The following CFAP91 variants were observed in gnomAD, a reference collection of about 807,000 sequenced individuals.
CFAP91 encodes cilia- and flagella-associated protein 91.
CFAP91 carries 85 observed loss-of-function variants against 95.9 expected under a neutral mutation model. The observed-to-expected ratio is 0.89, with a 90% confidence interval of 0.74 to 1.06. CFAP91 has a LOEUF of 1.06. Ranked by LOEUF, CFAP91 falls within the 50% of genes least tolerant of loss-of-function variation. The probability of loss-of-function intolerance (pLI) is 0.00; values close to 1 mark genes in which losing one functional copy is unlikely to be tolerated. For missense variants in CFAP91, 962 were observed against 943.4 expected, an observed-to-expected ratio of 1.02 and a Z score of -0.26; for synonymous variants, 335 against 327.5, an observed-to-expected ratio of 1.02 and a Z score of -0.25.
chr3:119,751,904 A>C (rs1366671095), intron 17 of CFAP91, among the ~76,000 whole-genome samples: 1 of 152,064 alleles, frequency 6.6e-6, no homozygotes, highest in Non-Finnish European at 1.5e-5. Context: ...ACTCACAGAA[A>C]CTCAAAGCTG....
intron 6 of CFAP91, among the ~76,000 whole-genome samples, chr3:119,724,529 C>T (rs1288813458): frequency 6.6e-6 from 1 of 151,872 alleles, no homozygotes; most frequent in Admixed American, 6.6e-5. Context: ...TATGTAGATA[C>T]ATATATATAC....
At chr3:119,732,584 T>C in intron 9 of CFAP91, 108 bp downstream of exon 9, 1 of 823,296 alleles carries the variant, frequency 1.2e-6, no homozygotes, top group Non-Finnish European at 1.9e-6. Flanking sequence ...AATAAAAATA[T>C]TTGCAATAAA....
intron 14 of CFAP91, among the ~76,000 whole-genome samples, chr3:119,745,619 G>T (rs1327182277): frequency 1.3e-5 from 2 of 152,230 alleles, no homozygotes; most frequent in African/African-American, 4.8e-5. Flanking sequence ...ACTATTACGT[G>T]ACTGAGCTAA....
Position 119,747,134 on chromosome 3 carries a change from G to A in CFAP91, c.1922G>A (p.Ser641Asn), listed in dbSNP as rs2054235518. 1 of 1,607,354 alleles carries A rather than the reference G, an allele frequency of 6.2e-7. No homozygotes were observed. The highest frequency in any genetic ancestry group is 8.5e-7 in the Non-Finnish European group (1 of 1,177,276). ...IFKEVVKVHH[S>N]TISSYLEDII... is the part of the protein sequence containing the mutation. Reference sequence around the variant, plus strand: ...TTGCAGGTGGTTAAAGTTCACCATAGTACTATAAGCTCCTACCTAGAAGAC... The same window carrying A: ...TTGCAGGTGGTTAAAGTTCACCATAATACTATAAGCTCCTACCTAGAAGAC... Residue 641 changes from serine (S) to asparagine (N), a missense_variant, in exon 15 of 18, where the codon AGT becomes AAT. Transcript: ENST00000273390.
intron 8 of CFAP91, among the ~76,000 whole-genome samples, chr3:119,731,824 A>G (rs2053903570): frequency 6.6e-6 from 1 of 152,210 alleles, no homozygotes; most frequent in Admixed American, 6.5e-5. Flanking sequence ...TGACTGCCAA[A>G]CAGTTCAGAA....
At chr3:119,734,367 C>T (rs947969650) in intron 10 of CFAP91, among the ~76,000 whole-genome samples, 26 of 152,244 alleles carry the variant, frequency 1.7e-4, no homozygotes, top group Admixed American at 1.2e-3. Context: ...CACCTCATCC[C>T]CACGCCCCCA....
intron 6 of CFAP91, among the ~76,000 whole-genome samples, chr3:119,722,682 A>T (rs953827103): frequency 6.6e-6 from 1 of 151,886 alleles, no homozygotes; most frequent in Non-Finnish European, 1.5e-5. Flanking sequence ...TTTTGTGGAG[A>T]TGGGGTTTCA....
intron 6 of CFAP91, among the ~76,000 whole-genome samples, chr3:119,717,624 C>T (rs1305913762): frequency 6.9e-6 from 1 of 144,332 alleles, no homozygotes; most frequent in African/African-American, 2.6e-5. Context: ...AATTCTTAGA[C>T]TCCTGGGATT....
In CFAP91 at chr3:119,706,892, C is replaced by A; in HGVS notation, c.201+7C>A. On this transcript the variant is annotated splice_region_variant and intron_variant, in intron 2 of 17. Coordinates refer to ENST00000273390, the MANE Select transcript of CFAP91 (RefSeq NM_033364.4). ...CCTGATTCGCAGCAGACTGGTATGT[C>A]TAATTCATCAGCCAAGGCTACCTGA... The A allele has an allele frequency of 6.2e-7, 1 of 1,608,374 alleles. No individual in the cohort carries two copies.
chr3:119,734,849 G>A (rs2053971255), intron 10 of CFAP91, among the ~76,000 whole-genome samples: 1 of 152,090 alleles, frequency 6.6e-6, no homozygotes, highest in African/African-American at 2.4e-5. Context: ...AAATAAGATT[G>A]GGATGATTTG....
chr3:119,740,671 G>A lies in CFAP91; in HGVS notation c.1656G>A (p.Arg552=), dbSNP rs138018444. 500 of 1,614,144 alleles carry A rather than the reference G, an allele frequency of 3.1e-4. No homozygotes were observed. The highest frequency in any genetic ancestry group is 3.9e-4 in the Non-Finnish European group (464 of 1,180,012). The change falls in exon 13 of 18, where the codon CGG becomes CGA. Residue 552 remains arginine (R), a synonymous_variant. Coordinates refer to ENST00000273390, the MANE Select transcript of CFAP91 (RefSeq NM_033364.4). ...AGCAAGTGACCCTGGCCTTACAGCGGCAGAGGAACTTGCATGAGCACAAGG... is the reference window on the plus strand; with the variant it reads ...AGCAAGTGACCCTGGCCTTACAGCGACAGAGGAACTTGCATGAGCACAAGG... ...AEKQVTLALQ[R]QRNLHEHKVS...
rs760947960 is a variant in CFAP91 at position 119,750,922 on chromosome 3, A to G, written c.2144-15A>G. 6 of 1,613,638 alleles carry G rather than the reference A, an allele frequency of 3.7e-6. No homozygotes were observed. Among genetic ancestry groups the G allele is most frequent in the East Asian group, 4.5e-5 (2 of 44,868 alleles). ...AGACTTTCAGAATGAAAATTTTTCT[A>G]TTACTTTGGCACAGTGAGGAACGCA... On this transcript the variant is annotated splice_polypyrimidine_tract_variant and intron_variant, in intron 16 of 17. Transcript: ENST00000273390.
At position 119,734,035 on chromosome 3, in the gene CFAP91, G is replaced by T. The variant is rs546029372; in HGVS notation, c.1344+529G>T. Among the ~76,000 whole-genome samples, 211 of 152,276 alleles carry T rather than the reference G, an allele frequency of 1.4e-3. 1 individual carries two copies. Among genetic ancestry groups the T allele is most frequent in the African/African-American group, 5.0e-3 (206 of 41,550 alleles). On this transcript the variant is annotated intron_variant, in intron 10 of 17. Transcript: ENST00000273390. Reference sequence around the variant, plus strand: ...ATAGAATCTGTGGTTTATGCTGGTGGTTCTCATTCTTTCCTGTGCATCAGA... The same window carrying T: ...ATAGAATCTGTGGTTTATGCTGGTGTTTCTCATTCTTTCCTGTGCATCAGA...
intron 11 of CFAP91, among the ~76,000 whole-genome samples, chr3:119,738,332 C>CTTTTTTTTTTTTGTTTT (rs2054050077): frequency 4.3e-5 from 1 of 23,040 alleles, no homozygotes. Flanking sequence ...GACATATTGT[C>CTTTTTTTTTTTTGTTTT]TTTTTTTTTT....
intron 7 of CFAP91, among the ~76,000 whole-genome samples, chr3:119,727,873 A>G (rs2053814590): frequency 1.3e-5 from 2 of 152,166 alleles, no homozygotes; most frequent in African/African-American, 2.4e-5. Context: ...AGACAATAAT[A>G]TCAGAAGCTA....
chr3:119,759,201 C>G (rs1274159393), intron 17 of CFAP91, among the ~76,000 whole-genome samples: 1 of 151,630 alleles, frequency 6.6e-6, no homozygotes, highest in African/African-American at 2.4e-5. Flanking sequence ...AAGCCAAATC[C>G]AAAAATAATC....
chr3:119,740,785 T>C (rs1027825410), intron 13 of CFAP91, 90 bp downstream of exon 13: 2 of 1,426,986 alleles, frequency 1.4e-6, no homozygotes, highest in African/African-American at 2.9e-5. Flanking sequence ...TAAAAATTAA[T>C]GAAATGATGA....
rs993791160 is a variant in CFAP91 at position 119,705,866 on chromosome 3, G to A, written c.125-943G>A. On this transcript the variant is annotated intron_variant, in intron 1 of 17. Coordinates refer to ENST00000273390, the MANE Select transcript of CFAP91 (RefSeq NM_033364.4). ...AGCCTGAGCCTCTTGCAGCTTTTCA[G>A]CCTTGGTGGGAATATCCAATGTCTG... 4 of 152,210 alleles carry A rather than the reference G, an allele frequency of 2.6e-5. No homozygotes were observed. In the East Asian group the frequency reaches 7.7e-4, roughly 29 times the overall value. The allele number at this position is 152,210 out of a possible 1,614,324, so 9.4% of individuals were successfully genotyped here.
chr3:119,742,866 A>G (rs1488710918), intron 13 of CFAP91, among the ~76,000 whole-genome samples: 1 of 152,180 alleles, frequency 6.6e-6, no homozygotes, highest in East Asian at 1.9e-4. Flanking sequence ...TTCATACAGA[A>G]ACCAGGAAGG....
Sources: allele counts gnomAD v4.1 joint callset (sites outside exome capture counted in the v4.1 genomes callset), GRCh38; gene constraint gnomAD v4.1.1; transcripts MANE v1.5; gene names NCBI Gene and HGNC (gene_info 2026-07-23, HGNC 2026-07-21).